The following PLCE1 variants were observed in gnomAD, a reference collection of about 807,000 sequenced individuals.
The protein encoded by PLCE1 is phospholipase C epsilon 1.
PLCE1 carries 119 observed loss-of-function variants against 242.8 expected under a neutral mutation model. The ratio of observed to expected loss-of-function variants is 0.49; its 90% CI spans 0.42 to 0.57. The LOEUF (loss-of-function observed/expected upper bound fraction) is 0.57. Among genes scored for constraint, PLCE1 ranks in the 20% least tolerant of loss-of-function variants. The pLI, the probability that PLCE1 is intolerant of heterozygous loss-of-function variation, is 0.00. For missense variants in PLCE1, 2,441 were observed against 2,788.8 expected, an observed-to-expected ratio of 0.88 and a Z score of 2.81; for synonymous variants, 945 against 1,017.4, an observed-to-expected ratio of 0.93 and a Z score of 1.35.
intron 3 of PLCE1, among the ~76,000 whole-genome samples, chr10:94,148,327 A>C (rs911643859): frequency 6.6e-6 from 1 of 152,110 alleles, no homozygotes; most frequent in African/African-American, 2.4e-5. Flanking sequence ...GGGAACATAC[A>C]GGGGGCCTTG....
intron 14 of PLCE1, among the ~76,000 whole-genome samples, chr10:94,263,512 T>TA (rs2051388138): frequency 2.4e-5 from 3 of 126,314 alleles, no homozygotes; most frequent in Admixed American, 1.7e-4. Flanking sequence ...AGACCCCATC[T>TA]CAAAAAAAAA....
At chr10:94,316,355 C>T (rs2053572248) in intron 28 of PLCE1, among the ~76,000 whole-genome samples, 192 bp from the exon 29 acceptor site, 1 of 152,066 alleles carries the variant, frequency 6.6e-6, no homozygotes, top group African/African-American at 2.4e-5. Context: ...TAAGTTGTGC[C>T]GTTGCCCGGA....
chr10:94,088,524 G>A (rs1833547538), intron 2 of PLCE1, among the ~76,000 whole-genome samples: 1 of 152,160 alleles, frequency 6.6e-6, no homozygotes. Context: ...TCAATAATAG[G>A]GCTAGGAACT....
At chr10:94,076,510 G>A (rs998783169) in intron 2 of PLCE1, among the ~76,000 whole-genome samples, 2 of 152,124 alleles carry the variant, frequency 1.3e-5, no homozygotes, top group Admixed American at 6.6e-5. Context: ...TTTCTGAGCT[G>A]TGCATGGTTG....
At chr10:94,117,239 G>A (rs925863726) in intron 2 of PLCE1, among the ~76,000 whole-genome samples, 5 of 152,148 alleles carry the variant, frequency 3.3e-5, no homozygotes, top group South Asian at 2.1e-4. Flanking sequence ...AAGGTGACCC[G>A]ACTTTTGGGC....
Position 94,029,456 on chromosome 10 carries a change from T to C in PLCE1, c.-364-1227T>C, listed in dbSNP as rs376772073. On this transcript the variant is annotated intron_variant, in intron 1 of 32. Coordinates refer to ENST00000371380, the MANE Select transcript of PLCE1 (RefSeq NM_016341.4). ...TTATACACATATATCTCTATGTATG[T>C]TGATGCATAGGGAGTGTTCTGGAAG... Among the ~76,000 whole-genome samples, 22 of 152,286 alleles carry C rather than the reference T, an allele frequency of 1.4e-4. 1 individual carries two copies. The East Asian group carries it at 2.1e-3, about 15-fold the overall frequency.
chr10:94,061,840 T>C (rs1409929184), intron 2 of PLCE1, among the ~76,000 whole-genome samples: 1 of 152,238 alleles, frequency 6.6e-6, no homozygotes, highest in African/African-American at 2.4e-5. Context: ...TGCTGTTACA[T>C]GCCTCTTATA....
At chr10:94,140,423 G>C (rs995995127) in intron 3 of PLCE1, among the ~76,000 whole-genome samples, 1 of 151,374 alleles carries the variant, frequency 6.6e-6, no homozygotes, top group African/African-American at 2.4e-5. Flanking sequence ...TACACCTGCA[G>C]TCCCAGCTAC....
At chr10:94,125,492 A>C (rs1032893213) in intron 2 of PLCE1, among the ~76,000 whole-genome samples, 1 of 151,892 alleles carries the variant, frequency 6.6e-6, no homozygotes, top group Admixed American at 6.6e-5. Flanking sequence ...TCCTGGGTTC[A>C]TGCCATTCTC....
intron 7 of PLCE1, among the ~76,000 whole-genome samples, chr10:94,241,990 C>G (rs1358123820): frequency 6.6e-6 from 1 of 152,082 alleles, no homozygotes; most frequent in Non-Finnish European, 1.5e-5. Context: ...ATGAGATGAG[C>G]ATTGTCTTTT....
chr10:94,292,100 G>T (rs2133438167), intron 22 of PLCE1, among the ~76,000 whole-genome samples: 1 of 152,248 alleles, frequency 6.6e-6, no homozygotes, highest in East Asian at 1.9e-4. Flanking sequence ...TGTGTCAAGA[G>T]CAAAATGTAC....
intron 16 of PLCE1, among the ~76,000 whole-genome samples, chr10:94,266,995 C>A (rs1366344923): frequency 6.6e-6 from 1 of 152,188 alleles, no homozygotes; most frequent in Non-Finnish European, 1.5e-5. Context: ...GTGCCATACG[C>A]TGCCCCATTT....
chr10:94,223,378 A>T (rs1006906712), intron 4 of PLCE1, among the ~76,000 whole-genome samples: 18 of 152,066 alleles, frequency 1.2e-4, no homozygotes, highest in African/African-American at 2.9e-4. Context: ...AGGTGATTGG[A>T]GAATGGACAG....
At chr10:94,315,187 A>G (rs969875048) in intron 28 of PLCE1, 9 of 324,464 alleles carry the variant, frequency 2.8e-5, no homozygotes, top group African/African-American at 1.9e-4. Context: ...CATCATTTAT[A>G]GACCAAGGGC....
chr10:94,074,911 A>G (rs1039785126), intron 2 of PLCE1, among the ~76,000 whole-genome samples: 1 of 152,208 alleles, frequency 6.6e-6, no homozygotes, highest in African/African-American at 2.4e-5. Context: ...TCAATCAATT[A>G]TAGTCCTCTC....
intron 2 of PLCE1, among the ~76,000 whole-genome samples, chr10:94,110,030 G>A (rs1233654875): frequency 5.5e-5 from 8 of 146,244 alleles, no homozygotes; most frequent in Non-Finnish European, 1.0e-4. Flanking sequence ...ATATCAGGAG[G>A]ATAGACCCTT....
At chr10:94,324,282 A>G (rs1251550413) in intron 30 of PLCE1, 67 bp from the exon 31 acceptor site, 6 of 1,277,056 alleles carry the variant, frequency 4.7e-6, no homozygotes, top group South Asian at 1.2e-5. Flanking sequence ...TTAAAGTTTC[A>G]TATAGAATGA....
Position 94,284,584 on chromosome 10 carries a change from T to A in PLCE1, c.4918-264T>A, listed in dbSNP as rs867327000. Reference sequence around the variant, plus strand: ...GGAAGATACATAGTCAATCCTCTATTTATTTAACAAAGATTTATTGACCAT... The same window carrying A: ...GGAAGATACATAGTCAATCCTCTATATATTTAACAAAGATTTATTGACCAT... On this transcript the variant is annotated intron_variant, in intron 21 of 32. Coordinates refer to ENST00000371380, the MANE Select transcript of PLCE1 (RefSeq NM_016341.4). Among the ~76,000 whole-genome samples the A allele has an allele frequency of 4.6e-5, 7 of 152,320 alleles. No homozygotes were observed. The South Asian group carries it at 1.2e-3, about 27-fold the overall frequency.
chr10:94,293,732 A>G, intron 23 of PLCE1, 93 bp downstream of exon 23: 1 of 1,415,850 alleles, frequency 7.1e-7, no homozygotes, highest in South Asian at 1.2e-5. Context: ...GAATTTTTTA[A>G]TTCTTTTTCC....
Sources: gnomAD v4.1 joint callset for allele counts (sites outside exome capture counted in the v4.1 genomes callset) on GRCh38, gnomAD v4.1.1 for gene constraint, MANE v1.5 for transcripts, NCBI Gene and HGNC (gene_info 2026-07-23, HGNC 2026-07-21) for gene names.